Variants in CREBBP observed in about 807,000 individuals in gnomAD.
The protein encoded by CREBBP is CREB binding lysine acetyltransferase.
A neutral mutation model predicts 265.0 loss-of-function variants in CREBBP; 19 were observed. The ratio of observed to expected loss-of-function variants is 0.07; its 90% CI spans 0.05 to 0.11. CREBBP has a LOEUF of 0.11. Ranked by LOEUF, CREBBP falls within the 10% of genes least tolerant of loss-of-function variation. CREBBP has a pLI of 1.00. For missense variants in CREBBP, 2,525 were observed against 3,219.0 expected (o/e 0.78, Z 5.22); for synonymous variants, 1,457 against 1,223.7 (o/e 1.19, Z -3.98).
intron 2 of CREBBP, among the ~76,000 whole-genome samples, chr16:3,827,246 T>A (rs2054255353): frequency 6.6e-6 from 1 of 152,106 alleles, no homozygotes; most frequent in Admixed American, 6.5e-5. Flanking sequence ...AGGCATTAAT[T>A]CTAATGAAAA....
intron 23 of CREBBP, chr16:3,740,980 C>T (rs780388294): frequency 6.3e-5 from 21 of 335,726 alleles, no homozygotes; most frequent in Non-Finnish European, 1.1e-4. Flanking sequence ...CTGACGTGAA[C>T]GTGGAACGTT....
chr16:3,854,418 C>A (rs931706162), intron 1 of CREBBP, among the ~76,000 whole-genome samples: 2 of 152,204 alleles, frequency 1.3e-5, no homozygotes, highest in South Asian at 2.1e-4. Context: ...GTGGGGAGAT[C>A]ATCTCTGAAC....
intron 3 of CREBBP, among the ~76,000 whole-genome samples, chr16:3,808,378 G>C (rs952085182): frequency 2.6e-5 from 4 of 152,222 alleles, no homozygotes; most frequent in Admixed American, 6.5e-5. Context: ...GCTTAGAGGA[G>C]AAGGCTGTAA....
intron 1 of CREBBP, among the ~76,000 whole-genome samples, chr16:3,861,054 T>C (rs192173494): frequency 6.2e-4 from 94 of 152,190 alleles, no homozygotes; most frequent in African/African-American, 2.1e-3. Context: ...GTGGGTCACC[T>C]ATGGTCAGGA....
chr16:3,841,783 A>G (rs1191925760), intron 2 of CREBBP, among the ~76,000 whole-genome samples: 1 of 152,242 alleles, frequency 6.6e-6, no homozygotes, highest in Non-Finnish European at 1.5e-5. Flanking sequence ...ACAGATTCTC[A>G]GAGTGTGGTC....
At chr16:3,879,687 C>T (rs917647990) in intron 1 of CREBBP, 145 bp downstream of exon 1, 1 of 906,124 alleles carries the variant, frequency 1.1e-6, no homozygotes, top group Non-Finnish European at 1.8e-6. Flanking sequence ...TCCACCCTCC[C>T]GCGCGGGGCG....
intron 1 of CREBBP, among the ~76,000 whole-genome samples, chr16:3,857,588 GA>G (rs2054990040): frequency 6.7e-6 from 1 of 148,306 alleles, no homozygotes; most frequent in Non-Finnish European, 1.5e-5. Context: ...TGTATCATCG[GA>G]AGTTCCTAAG....
At chr16:3,774,834 A>T (rs1596898123) in intron 11 of CREBBP, 141 bp from the exon 12 acceptor site, 2 of 1,070,038 alleles carry the variant, frequency 1.9e-6, no homozygotes, top group African/African-American at 3.2e-5. Flanking sequence ...CAATTAATCA[A>T]TGAAGATGAT....
intron 8 of CREBBP, 30 bp downstream of exon 8, chr16:3,780,702 C>T (rs1394357009): frequency 6.2e-7 from 1 of 1,612,404 alleles, no homozygotes; most frequent in Non-Finnish European, 8.5e-7. Context: ...TAAAATCAAA[C>T]ATCTATGAAA....
intron 19 of CREBBP, among the ~76,000 whole-genome samples, chr16:3,752,455 G>A (rs937442154): frequency 7.1e-6 from 1 of 140,154 alleles, no homozygotes; most frequent in South Asian, 2.2e-4. Flanking sequence ...ATTTTTTCCT[G>A]TTTTTTTTTT....
chr16:3,758,066 G>C lies in CREBBP; in HGVS notation c.3370-18C>G, dbSNP rs775571097. On this transcript the variant is annotated intron_variant, in intron 17 of 30. Coordinates refer to ENST00000262367, the MANE Select transcript of CREBBP (RefSeq NM_004380.3). ...AAATAGTCCTTAAAAAAAAAAAAAT[G>C]GTCTCAGTATAGGGAATCCCCCAAT... 1 of 1,586,248 alleles carries C rather than the reference G, an allele frequency of 6.3e-7. No individual in the cohort carries two copies. The highest frequency in any genetic ancestry group is 1.7e-5 in the Admixed American group (1 of 59,724).
rs934317603 is a variant in CREBBP, at chr16:3,727,865, G to A, written c.7182C>T (p.Ser2394=). The change falls in exon 31 of 31, where the codon TCC becomes TCT. Residue 2394 remains serine (S), a synonymous_variant. Transcript: ENST00000262367. ...GGTTCCCCAAGTGTCCCTGATCTAT[G>A]GAGCTGGCCATGGTGACTGCGAGTC... is the stretch of plus-strand genomic sequence containing the variant. ...HPGLAVTMAS[S]IDQGHLGNPE... 1.9e-6 allele frequency: 3 copies of A among 1,613,952 alleles called. No homozygotes were observed. The highest frequency in any genetic ancestry group is 1.3e-5 in the African/African-American group (1 of 74,924).
At chr16:3,839,064 T>C (rs145662092) in intron 2 of CREBBP, among the ~76,000 whole-genome samples, 3 of 152,356 alleles carry the variant, frequency 2.0e-5, no homozygotes, top group Non-Finnish European at 2.9e-5. Context: ...TTCTGTAAGA[T>C]AGAGATTATT....
chr16:3,756,961 G>A (rs1351099344), intron 19 of CREBBP, among the ~76,000 whole-genome samples: 2 of 152,184 alleles, frequency 1.3e-5, no homozygotes, highest in Non-Finnish European at 2.9e-5. Flanking sequence ...CACTGTAAAA[G>A]TACGCTTTAT....
chr16:3,767,630 G>T, intron 16 of CREBBP, 90 bp downstream of exon 16: 1 of 1,543,684 alleles, frequency 6.5e-7, no homozygotes, highest in South Asian at 1.1e-5. Context: ...ATAGAATTAT[G>T]TTTCTACTTT....
chr16:3,822,143 TAA>T (rs2054153320), intron 2 of CREBBP, among the ~76,000 whole-genome samples: 1 of 151,954 alleles, frequency 6.6e-6, no homozygotes, highest in Admixed American at 6.6e-5. Context: ...AGGGCCTCAA[TAA>T]GTCACCTGAC....
At position 3,850,561 on chromosome 16, in the gene CREBBP, A is replaced by G; in HGVS notation, c.534T>C (p.Asn178=). The change falls in exon 2 of 31, where the codon AAT becomes AAC. Residue 178 remains asparagine, a synonymous_variant. Transcript: ENST00000262367. ...TSQTGPGICM[N]ANFNQTHPGL... Reference sequence around the variant, plus strand: ...CTGGGTGGGTCTGGTTAAAGTTAGCATTCATGCAGATACCAGGTCCAGTCT... The same window carrying G: ...CTGGGTGGGTCTGGTTAAAGTTAGCGTTCATGCAGATACCAGGTCCAGTCT... The G allele has an allele frequency of 6.2e-7, 1 of 1,614,224 alleles. No homozygotes were observed. Among genetic ancestry groups the G allele is most frequent in the East Asian group, 2.2e-5 (1 of 44,884 alleles).
chr16:3,731,949 C>A lies in CREBBP; in HGVS notation c.4729-12G>T. ...TCGCCCTGACTGCCCTGCAACAACA[C>A]GCAAGGCTGTGAGACCAGGCAAGTG... On this transcript the variant is annotated splice_polypyrimidine_tract_variant and intron_variant, in intron 28 of 30. Transcript: ENST00000262367. The surrounding 1 kb of genome is among the most constrained non-coding windows in gnomAD (Gnocchi z 7.7). 2 of 1,614,202 alleles carry A rather than the reference C, an allele frequency of 1.2e-6. No homozygotes were observed. Among genetic ancestry groups the A allele is most frequent in the African/African-American group, 1.3e-5 (1 of 75,048 alleles).
chr16:3,860,174 G>A (rs998961829), intron 1 of CREBBP, among the ~76,000 whole-genome samples: 2 of 152,094 alleles, frequency 1.3e-5, no homozygotes, highest in East Asian at 1.9e-4. Context: ...GTTCTGTGTC[G>A]ACTGTTGACA....
Sources: gnomAD v4.1 joint callset for allele counts (sites outside exome capture counted in the v4.1 genomes callset) on GRCh38, gnomAD v4.1.1 for gene constraint, Gnocchi (gnomAD v3.1) non-coding constraint, MANE v1.5 for transcripts, NCBI Gene and HGNC (gene_info 2026-07-23, HGNC 2026-07-21) for gene names.